The following DMC1 variants were observed in gnomAD, a reference collection of about 807,000 sequenced individuals.
DMC1 encodes the protein meiotic recombination protein DMC1 homolog.
In DMC1, 27 loss-of-function variants were observed where a neutral mutation model predicts 50.1. That is an observed-to-expected ratio of 0.54 (90% confidence interval 0.40 to 0.74). The LOEUF is 0.74. DMC1 is among the 30% of genes least tolerant of loss of function. The pLI is 0.00. For missense variants in DMC1, 295 were observed against 420.2 expected, an observed-to-expected ratio of 0.70 and a Z score of 2.60; for synonymous variants, 148 against 136.1, an observed-to-expected ratio of 1.09 and a Z score of -0.61.
chr22:38,519,823 C>CTGAAT lies in DMC1; in HGVS notation c.*196_*197insATTCA. The CTGAAT allele has an allele frequency of 3.7e-6, 2 of 542,012 alleles. No homozygotes were observed. Among genetic ancestry groups the CTGAAT allele is most frequent in the Non-Finnish European group, 6.7e-6 (2 of 296,626 alleles). The allele number at this position is 542,012 out of a possible 1,614,324, so 33.6% of individuals were successfully genotyped here. Reference sequence around the variant, plus strand: ...ACACACAAACATACATATACATATCCCTGAATTTACATACAATGTATAGTT... The same window carrying CTGAAT: ...ACACACAAACATACATATACATATCCTGAATCTGAATTTACATACAATGTATAGTT... On this transcript the variant is annotated 3_prime_UTR_variant, in exon 14 of 14. Coordinates refer to ENST00000216024, the MANE Select transcript of DMC1 (RefSeq NM_007068.4).
chr22:38,568,475 ATGTG>A (rs368751544), intron 1 of DMC1, 186 bp from the exon 2 acceptor site: 2 of 534,556 alleles, frequency 3.7e-6, no homozygotes, highest in Non-Finnish European at 6.6e-6. Context: ...GTGTGTGTGC[ATGTG>A]TGTGTGTGTC....
chr22:38,528,122 C>T (rs2090114086), intron 12 of DMC1, among the ~76,000 whole-genome samples: 1 of 149,576 alleles, frequency 6.7e-6, no homozygotes, highest in Non-Finnish European at 1.5e-5. Flanking sequence ...AGTGCGGTGG[C>T]ATGATCTCGG....
chr22:38,568,393 TAG>T, intron 1 of DMC1, 104 bp from the exon 2 acceptor site: 1 of 841,618 alleles, frequency 1.2e-6, no homozygotes, highest in Non-Finnish European at 2.0e-6. Flanking sequence ...GAGAAGCATT[TAG>T]CTTGGAAAGA....
chr22:38,520,735 G>A (rs1021435491), intron 13 of DMC1, among the ~76,000 whole-genome samples: 56 of 152,130 alleles, frequency 3.7e-4, no homozygotes, highest in African/African-American at 1.3e-3. Context: ...ATAGGGGTAT[G>A]CACCTTTCTT....
intron 5 of DMC1, among the ~76,000 whole-genome samples, chr22:38,556,003 T>G (rs2058759510): frequency 1.3e-5 from 2 of 152,146 alleles, no homozygotes; most frequent in Admixed American, 6.5e-5. Context: ...GGCTAATTTT[T>G]GTATTTTTAG....
At chr22:38,557,481 G>A (rs1365021489) in intron 5 of DMC1, among the ~76,000 whole-genome samples, 2 of 152,052 alleles carry the variant, frequency 1.3e-5, no homozygotes, top group East Asian at 3.9e-4. Flanking sequence ...CGAGGGAGGT[G>A]GATCGCTCGA....
At chr22:38,518,003 C>T (rs1272207827), downstream of DMC1, among the ~76,000 whole-genome samples, 4 of 150,768 alleles carry the variant, frequency 2.7e-5, no homozygotes, top group Non-Finnish European at 4.4e-5. Flanking sequence ...GACGGAGTCT[C>T]GCTCTGTCAC....
At chr22:38,535,667 G>A (rs537516376) in intron 12 of DMC1, among the ~76,000 whole-genome samples, 1 of 151,794 alleles carries the variant, frequency 6.6e-6, no homozygotes, top group Admixed American at 6.6e-5. Context: ...GAGTGCAGTG[G>A]CACGATCTTG....
intron 5 of DMC1, among the ~76,000 whole-genome samples, chr22:38,557,148 C>T (rs533712784): frequency 2.6e-5 from 4 of 152,152 alleles, no homozygotes; most frequent in Non-Finnish European, 5.9e-5. Context: ...ATTTGTCCCT[C>T]TTCTTCCTGA....
In DMC1 at chr22:38,566,719, C is replaced by A; in HGVS notation, c.114G>T (p.Lys38Asn). The stretch of plus-strand genomic sequence containing the variant: ...TACAGATTCCTACTGATTTCAGTTT[C>A]TTAATGTCAGCCACGTTCTGTAAAT... Reference protein sequence around the residue: ...QKHGINVADIKKLKSVGICTI... With the variant: ...QKHGINVADINKLKSVGICTI... Residue 38 changes from lysine to asparagine, a missense_variant, in exon 4 of 14, where the codon AAG (lysine) becomes AAT (asparagine). Physicochemically the swap from Lys to Asn is moderately conservative, Grantham distance 94. Coordinates refer to ENST00000216024, the MANE Select transcript of DMC1 (RefSeq NM_007068.4). The A allele has an allele frequency of 6.2e-7, 1 of 1,614,004 alleles. No homozygotes were observed. Among genetic ancestry groups the A allele is most frequent in the African/African-American group, 1.3e-5 (1 of 75,034 alleles).
intron 8 of DMC1, chr22:38,545,808 A>G (rs2090338067): frequency 6.6e-6 from 1 of 152,214 alleles, no homozygotes; most frequent in Admixed American, 6.5e-5. Context: ...TACCATATGG[A>G]ATTAATTACC....
At chr22:38,534,681 T>G (rs1043017249) in intron 12 of DMC1, among the ~76,000 whole-genome samples, 1 of 139,244 alleles carries the variant, frequency 7.2e-6, no homozygotes, top group African/African-American at 2.7e-5. Flanking sequence ...CCAGCCTGAG[T>G]GACAGAGCAA....
Position 38,549,853 on chromosome 22 carries a change from TCAGA to T in DMC1, c.494+68_494+71del, listed in dbSNP as rs2090384438. The T allele has an allele frequency of 2.9e-5, 34 of 1,157,346 alleles. No homozygotes were observed. The South Asian group carries it at 4.3e-4, about 15-fold the overall frequency. The allele number at this position is 1,157,346 out of a possible 1,614,324, so 71.7% of individuals were successfully genotyped here. On this transcript the variant is annotated intron_variant, in intron 8 of 13. Coordinates refer to ENST00000216024, the MANE Select transcript of DMC1 (RefSeq NM_007068.4). ...GGAATGACTACAAAGATTGTATATC[TCAGA>T]CAAACTCTTCAGTGGTAACATTCCT...
In DMC1 at chr22:38,521,589, A is replaced by ACACACACACACAC. The variant is rs767981761; in HGVS notation, c.953+18_953+19insGTGTGTGTGTGTG. ...CACACACACACACACACACACACAC[A>ACACACACACACAC]AAATAAAAAAAAATTTACCTGTCAT... On this transcript the variant is annotated intron_variant, in intron 13 of 13. Transcript: ENST00000216024. The ACACACACACACAC allele has an allele frequency of 8.0e-6, 12 of 1,497,752 alleles. No individual in the cohort carries two copies. Among genetic ancestry groups the ACACACACACACAC allele is most frequent in the African/African-American group, 1.4e-5 (1 of 71,258 alleles). The allele number at this position is 1,497,752 out of a possible 1,614,324, so 92.8% of individuals were successfully genotyped here.
rs1420278847 is a variant in DMC1 at position 38,520,074 on chromosome 22, T to G, written c.969A>C (p.Glu323Asp). ...CAGTTATTGCGAAGGTGGCTTCATT[T>G]TCAGGCATCTCAGGACTAACAGAAT... is the stretch of plus-strand genomic sequence containing the variant. ...AKIYDSPEMP[E>D]NEATFAITAG... The change falls in exon 14 of 14, where the codon GAA (glutamate) becomes GAC (aspartate). Residue 323 changes from glutamate to aspartate, a missense_variant. Physicochemically the swap from Glu to Asp is conservative, Grantham distance 45. Coordinates refer to ENST00000216024, the MANE Select transcript of DMC1 (RefSeq NM_007068.4). The G allele has an allele frequency of 1.2e-6, 2 of 1,613,378 alleles. No homozygotes were observed. Among genetic ancestry groups the G allele is most frequent in the East Asian group, 4.5e-5 (2 of 44,844 alleles).
intron 6 of DMC1, among the ~76,000 whole-genome samples, chr22:38,554,824 G>A (rs994497767): frequency 2.6e-5 from 4 of 151,956 alleles, no homozygotes; most frequent in Admixed American, 2.0e-4. Flanking sequence ...TATCAGCTGG[G>A]CGCAGTGGCT....
At chr22:38,518,514 C>T (rs1255211614), downstream of DMC1, among the ~76,000 whole-genome samples, 1 of 151,614 alleles carries the variant, frequency 6.6e-6, no homozygotes, top group African/African-American at 2.4e-5. Flanking sequence ...ACTTCGAATA[C>T]TTGAATTTTC....
At chr22:38,567,053 C>T (rs2146035993) in intron 3 of DMC1, among the ~76,000 whole-genome samples, 1 of 152,332 alleles carries the variant, frequency 6.6e-6, no homozygotes, top group African/African-American at 2.4e-5. Flanking sequence ...TTCACCCCCT[C>T]AGTTCAGCTC....
chr22:38,550,049 CAT>C (rs1433273889), intron 7 of DMC1, 52 bp from the exon 8 acceptor site: 1 of 1,314,384 alleles, frequency 7.6e-7, no homozygotes, highest in Non-Finnish European at 1.1e-6. Flanking sequence ...ACTTTGTACA[CAT>C]GACTATATAA....
Sources: gnomAD v4.1 joint callset for allele counts (sites outside exome capture counted in the v4.1 genomes callset) on GRCh38, gnomAD v4.1.1 for gene constraint, MANE v1.5 for transcripts, NCBI Gene and HGNC (gene_info 2026-07-23, HGNC 2026-07-21) for gene names.